The following AKAP6 variants were observed in gnomAD, a reference collection of about 807,000 sequenced individuals.
AKAP6 encodes the protein A-kinase anchor protein 6.
A neutral mutation model predicts 188.5 loss-of-function variants in AKAP6; 58 were observed. That is an observed-to-expected ratio of 0.31 (90% CI 0.25 to 0.38). AKAP6 has a LOEUF of 0.38. AKAP6 is among the 10% of genes least tolerant of loss of function. AKAP6 has a pLI of 1.00. For missense variants in AKAP6, 2,710 were observed against 2,740.0 expected, an observed-to-expected ratio of 0.99 and a Z score of 0.24; for synonymous variants, 989 against 998.6, an observed-to-expected ratio of 0.99 and a Z score of 0.18.
intron 1 of AKAP6, among the ~76,000 whole-genome samples, chr14:32,384,821 T>C (rs993737576): frequency 2.0e-5 from 3 of 152,078 alleles, no homozygotes; most frequent in African/African-American, 7.2e-5. Context: ...TCTGAAAACA[T>C]TTTGTGCTCA....
chr14:32,560,058 T>C (rs1883882749), intron 4 of AKAP6, among the ~76,000 whole-genome samples: 1 of 151,880 alleles, frequency 6.6e-6, no homozygotes, highest in East Asian at 1.9e-4. Context: ...CAAGCTGAAA[T>C]TTGGGGGCTG....
intron 9 of AKAP6, among the ~76,000 whole-genome samples, chr14:32,698,498 CT>C (rs946811433): frequency 8.5e-5 from 13 of 152,048 alleles, no homozygotes; most frequent in Non-Finnish European, 4.4e-5. Context: ...CTTTATTAAC[CT>C]TTTTTATTAA....
chr14:32,829,757 G>T, intron 13 of AKAP6, 91 bp from the exon 14 acceptor site: 1 of 578,246 alleles, frequency 1.7e-6, no homozygotes, highest in Non-Finnish European at 3.1e-6. Context: ...TCCCACAATT[G>T]CAGCCTTCAA....
At chr14:32,669,211 A>G (rs1889074132) in intron 7 of AKAP6, among the ~76,000 whole-genome samples, 1 of 152,186 alleles carries the variant, frequency 6.6e-6, no homozygotes, top group Admixed American at 6.5e-5. Flanking sequence ...GAATGAATAA[A>G]TGAAGGGCCT....
intron 4 of AKAP6, among the ~76,000 whole-genome samples, chr14:32,574,694 T>C (rs1448936323): frequency 1.3e-5 from 2 of 152,208 alleles, no homozygotes; most frequent in South Asian, 4.1e-4. Context: ...CCCAAACCAA[T>C]TTATATGTAC....
At chr14:32,388,280 T>C (rs920525039) in intron 1 of AKAP6, among the ~76,000 whole-genome samples, 2 of 152,056 alleles carry the variant, frequency 1.3e-5, no homozygotes, top group African/African-American at 2.4e-5. Context: ...ATTTTATTTG[T>C]GTTTTCAAAG....
intron 2 of AKAP6, among the ~76,000 whole-genome samples, chr14:32,499,766 T>C (rs1297902436): frequency 1.3e-5 from 2 of 151,774 alleles, no homozygotes; most frequent in Non-Finnish European, 2.9e-5. Context: ...TTTACATGTT[T>C]AATTTTTCAA....
intron 1 of AKAP6, among the ~76,000 whole-genome samples, chr14:32,351,311 C>T (rs894325069): frequency 1.3e-5 from 2 of 152,008 alleles, no homozygotes; most frequent in Admixed American, 6.6e-5. Flanking sequence ...GCCTGTAATC[C>T]CAGCACTTTG....
At chr14:32,669,740 G>A (rs1889099250) in intron 7 of AKAP6, among the ~76,000 whole-genome samples, 2 of 152,240 alleles carry the variant, frequency 1.3e-5, no homozygotes, top group South Asian at 2.1e-4. Flanking sequence ...TACAATCATG[G>A]CAGAAAGGAA....
chr14:32,417,574 G>A (rs900043876), intron 1 of AKAP6, among the ~76,000 whole-genome samples: 3 of 152,214 alleles, frequency 2.0e-5, no homozygotes, highest in Admixed American at 6.5e-5. Flanking sequence ...TTGCTTGTTA[G>A]CCAGAGCTCA....
chr14:32,336,194 A>G (rs576484419), intron 1 of AKAP6, among the ~76,000 whole-genome samples: 31 of 152,028 alleles, frequency 2.0e-4, no homozygotes, highest in Non-Finnish European at 3.7e-4. Context: ...GAATGATGGC[A>G]CTTGCTGCAC....
intron 8 of AKAP6, among the ~76,000 whole-genome samples, chr14:32,691,568 T>G (rs769101202): frequency 2.7e-5 from 4 of 148,852 alleles, no homozygotes; most frequent in Non-Finnish European, 5.9e-5. Context: ...TTTGCCACTG[T>G]TTTTTTTTGA....
chr14:32,345,682 T>C (rs1396549171), intron 1 of AKAP6, among the ~76,000 whole-genome samples: 2 of 152,188 alleles, frequency 1.3e-5, no homozygotes, highest in African/African-American at 2.4e-5. Flanking sequence ...TCAGTTTCTA[T>C]GTGGGTCATG....
At chr14:32,564,489 A>G (rs8015914) in intron 4 of AKAP6, among the ~76,000 whole-genome samples, 44,106 of 151,996 alleles carry the variant, frequency 0.29, 6,466 homozygotes, top group East Asian at 0.38. Context: ...AAAGGCAGCA[A>G]TAGATTGGGA....
chr14:32,472,167 A>G (rs1474700573), intron 2 of AKAP6, among the ~76,000 whole-genome samples: 12 of 152,128 alleles, frequency 7.9e-5, no homozygotes, highest in African/African-American at 2.9e-4. Flanking sequence ...GCTGTGACAG[A>G]GATGGCAGTA....
intron 2 of AKAP6, among the ~76,000 whole-genome samples, chr14:32,480,836 T>A (rs907740412): frequency 6.6e-6 from 1 of 152,150 alleles, no homozygotes; most frequent in African/African-American, 2.4e-5. Flanking sequence ...GGAAAATGTC[T>A]AGTTGGTTTT....
At chr14:32,810,337 G>A (rs1480310516) in intron 12 of AKAP6, among the ~76,000 whole-genome samples, 1 of 151,630 alleles carries the variant, frequency 6.6e-6, no homozygotes, top group African/African-American at 2.4e-5. Flanking sequence ...TTTGATTTGG[G>A]AATCTTTGAT....
chr14:32,610,248 G>A (rs188703958), intron 7 of AKAP6, among the ~76,000 whole-genome samples: 226 of 152,214 alleles, frequency 1.5e-3, no homozygotes, highest in African/African-American at 5.3e-3. Context: ...ACAAGGGAAA[G>A]GACAAACTTC....
intron 9 of AKAP6, among the ~76,000 whole-genome samples, chr14:32,706,550 A>G (rs933012297): frequency 3.8e-4 from 58 of 152,256 alleles, no homozygotes; most frequent in African/African-American, 1.4e-3. Flanking sequence ...GAGGGTCCCC[A>G]TGGAGAGATG....
Sources: gnomAD v4.1 joint callset for allele counts (sites outside exome capture counted in the v4.1 genomes callset) on GRCh38, gnomAD v4.1.1 for gene constraint, MANE v1.5 for transcripts, NCBI Gene and HGNC (gene_info 2026-07-23, HGNC 2026-07-21) for gene names.